The following CDKAL1 variants were observed in gnomAD, a reference collection of about 807,000 sequenced individuals.
CDKAL1 encodes threonylcarbamoyladenosine tRNA methylthiotransferase.
In CDKAL1, 32 loss-of-function variants were observed where a neutral mutation model predicts 68.2. That is an observed-to-expected ratio of 0.47 (90% CI 0.35 to 0.63). CDKAL1 has a LOEUF of 0.63. Among genes scored for constraint, CDKAL1 ranks in the 30% least tolerant of loss-of-function variants. CDKAL1 has a pLI of 0.00. For synonymous variants in CDKAL1, 234 were observed against 244.3 expected (o/e 0.96, Z 0.39); for missense variants, 606 against 696.7 (o/e 0.87, Z 1.47).
chr6:20,983,025 G>A (rs952969505), intron 10 of CDKAL1, among the ~76,000 whole-genome samples: 1 of 152,118 alleles, frequency 6.6e-6, no homozygotes, highest in East Asian at 1.9e-4. Context: ...CTCTGACAAG[G>A]TGTACTTAGA....
At chr6:21,126,969 A>G (rs1775043461) in intron 13 of CDKAL1, among the ~76,000 whole-genome samples, 1 of 152,322 alleles carries the variant, frequency 6.6e-6, no homozygotes, top group African/African-American at 2.4e-5. Flanking sequence ...AGAGGTAGCA[A>G]AGTGGCTGCC....
At chr6:21,017,155 A>C (rs1374787524) in intron 11 of CDKAL1, among the ~76,000 whole-genome samples, 2 of 152,144 alleles carry the variant, frequency 1.3e-5, no homozygotes, top group Non-Finnish European at 2.9e-5. Flanking sequence ...ACATTGCTCT[A>C]TTTGATTGCA....
intron 4 of CDKAL1, among the ~76,000 whole-genome samples, chr6:20,588,960 A>G (rs1308451151): frequency 2.0e-5 from 3 of 152,160 alleles, no homozygotes; most frequent in African/African-American, 7.2e-5. Context: ...GAAATCTTAT[A>G]ATATTTTCAT....
chr6:20,810,636 GT>G (rs1561796700), intron 8 of CDKAL1, among the ~76,000 whole-genome samples: 38 of 126,996 alleles, frequency 3.0e-4, no homozygotes, highest in African/African-American at 1.2e-3. Context: ...GGGTGTGTGT[GT>G]GTGTGTGTGT....
chr6:20,666,535 G>A (rs188361052), intron 5 of CDKAL1, among the ~76,000 whole-genome samples: 15 of 152,164 alleles, frequency 9.9e-5, no homozygotes, highest in Admixed American at 4.6e-4. Context: ...AATGCAAAAA[G>A]TGTTATAACA....
chr6:20,721,031 A>G (rs976028927), intron 5 of CDKAL1, among the ~76,000 whole-genome samples: 2 of 152,144 alleles, frequency 1.3e-5, no homozygotes, highest in African/African-American at 2.4e-5. Flanking sequence ...TTACATATGT[A>G]TACGTGTGCC....
chr6:20,834,803 A>G (rs1023270540), intron 8 of CDKAL1, among the ~76,000 whole-genome samples: 20 of 152,200 alleles, frequency 1.3e-4, no homozygotes, highest in African/African-American at 4.3e-4. Context: ...CTTCTCCCAC[A>G]TCGGAGTTAG....
At chr6:20,641,858 G>T (rs1318500766) in intron 4 of CDKAL1, among the ~76,000 whole-genome samples, 3 of 152,156 alleles carry the variant, frequency 2.0e-5, no homozygotes, top group African/African-American at 7.2e-5. Flanking sequence ...ATGTGTATGG[G>T]TATGTGATGT....
At chr6:20,785,133 T>C (rs1242661505) in intron 8 of CDKAL1, among the ~76,000 whole-genome samples, 4 of 151,810 alleles carry the variant, frequency 2.6e-5, no homozygotes, top group African/African-American at 9.7e-5. Flanking sequence ...ATAATGCTTT[T>C]GATATTAAGA....
At chr6:20,820,559 A>G (rs943203678) in intron 8 of CDKAL1, among the ~76,000 whole-genome samples, 93 of 152,302 alleles carry the variant, frequency 6.1e-4, no homozygotes, top group African/African-American at 2.1e-3. Flanking sequence ...GTCCATGTGC[A>G]TAGTGAATGA....
chr6:20,679,703 C>T (rs1770287061), intron 5 of CDKAL1, among the ~76,000 whole-genome samples: 1 of 152,158 alleles, frequency 6.6e-6, no homozygotes, highest in African/African-American at 2.4e-5. Flanking sequence ...CTAAAAAATG[C>T]TTTTCCATTG....
At chr6:20,767,106 G>A (rs1774736240) in intron 7 of CDKAL1, among the ~76,000 whole-genome samples, 1 of 152,050 alleles carries the variant, frequency 6.6e-6, no homozygotes, top group Non-Finnish European at 1.5e-5. Context: ...CACTGCATAT[G>A]TATCATGTGC....
chr6:20,864,598 A>G (rs898367399), intron 9 of CDKAL1, among the ~76,000 whole-genome samples: 1 of 152,200 alleles, frequency 6.6e-6, no homozygotes, highest in African/African-American at 2.4e-5. Flanking sequence ...TTCATAAAAT[A>G]TAAAATTGCT....
At chr6:20,901,699 A>AAAAAAG (rs1554137984) in intron 9 of CDKAL1, among the ~76,000 whole-genome samples, 26,390 of 76,656 alleles carry the variant, frequency 0.34, 5,315 homozygotes, top group Non-Finnish European at 0.39. Context: ...AAAAAAAAAA[A>AAAAAAG]AAAAGAAAAG....
chr6:20,582,701 G>A (rs1765188080), intron 4 of CDKAL1, among the ~76,000 whole-genome samples: 1 of 152,154 alleles, frequency 6.6e-6, no homozygotes, highest in South Asian at 2.1e-4. Context: ...TCCTGTAGAA[G>A]CATGTATGTT....
chr6:20,619,571 T>C (rs1300022772), intron 4 of CDKAL1, among the ~76,000 whole-genome samples: 1 of 152,206 alleles, frequency 6.6e-6, no homozygotes, highest in Admixed American at 6.5e-5. Context: ...CCAAATACCT[T>C]GCAGCAATAT....
intron 2 of CDKAL1, among the ~76,000 whole-genome samples, chr6:20,541,724 G>T (rs1343635878): frequency 6.6e-6 from 1 of 152,020 alleles, no homozygotes. Context: ...GCAATGGCGC[G>T]ATCTCGGCTA....
intron 8 of CDKAL1, among the ~76,000 whole-genome samples, chr6:20,814,533 G>A (rs931434028): frequency 1.3e-5 from 2 of 152,154 alleles, no homozygotes; most frequent in African/African-American, 2.4e-5. Flanking sequence ...ACCTGCGTCT[G>A]CCTCCTAAAG....
intron 9 of CDKAL1, among the ~76,000 whole-genome samples, chr6:20,907,033 A>G (rs887198471): frequency 5.3e-5 from 8 of 152,240 alleles, no homozygotes; most frequent in Non-Finnish European, 1.0e-4. Context: ...TCAAAATCAT[A>G]GAAACAGAAA....
Sources: allele counts gnomAD v4.1 joint callset (sites outside exome capture counted in the v4.1 genomes callset), GRCh38; gene constraint gnomAD v4.1.1; transcripts MANE v1.5; gene names NCBI Gene and HGNC (gene_info 2026-07-23, HGNC 2026-07-21).